ACKR2: variants seen among roughly 807,000 people sequenced by gnomAD.
ACKR2 encodes the protein C-C chemokine receptor D6.
For synonymous variants in ACKR2, 207 were observed against 192.2 expected (o/e 1.08, Z -0.64); for missense variants, 457 against 477.3 (o/e 0.96, Z 0.40).
intron 2 of ACKR2, among the ~76,000 whole-genome samples, chr3:42,846,810 T>G (rs1701102856): frequency 6.6e-6 from 1 of 152,226 alleles, no homozygotes. Context: ...GTCTACTGTG[T>G]GTCCAGTGCT....
chr3:42,864,560 A>C lies in ACKR2; in HGVS notation c.58A>C (p.Ser20Arg). The C allele has an allele frequency of 5.6e-6, 9 of 1,613,708 alleles. No homozygotes were observed. The highest frequency in any genetic ancestry group is 7.6e-6 in the Non-Finnish European group (9 of 1,179,760). ...CACTGAGGATGCCGATTCTGAGAAT[A>C]GCAGCTTCTATTACTATGACTACCT... ...LATEDADSEN[S>R]SFYYYDYLDE... Residue 20 changes from serine to arginine, a missense_variant, in exon 3 of 3, where the codon AGC (serine) becomes CGC (arginine). Physicochemically the swap from Ser to Arg is moderately radical, Grantham distance 110. Transcript: ENST00000422265.
At chr3:42,855,017 C>T (rs1162146860) in intron 2 of ACKR2, among the ~76,000 whole-genome samples, 6 of 151,934 alleles carry the variant, frequency 3.9e-5, no homozygotes, top group Admixed American at 1.3e-4. Flanking sequence ...CTACCATGCC[C>T]GGCTATTTTT....
intron 2 of ACKR2, among the ~76,000 whole-genome samples, chr3:42,837,922 A>G (rs1701001240): frequency 6.6e-6 from 1 of 152,252 alleles, no homozygotes; most frequent in East Asian, 1.9e-4. Context: ...ATTTGACTTT[A>G]TGTACAGAAA....
Position 42,865,457 on chromosome 3 carries a change from T to G in ACKR2, c.955T>G (p.Phe319Val), listed in dbSNP as rs199831111. ...PILYAFSSHRFRQYLKAFLAA... is the reference protein window; with the variant it reads ...PILYAFSSHRVRQYLKAFLAA... Reference sequence around the variant, plus strand: ...CCTGTATGCCTTCTCCAGTCACCGCTTCCGCCAGTACCTGAAGGCTTTCCT... The same window carrying G: ...CCTGTATGCCTTCTCCAGTCACCGCGTCCGCCAGTACCTGAAGGCTTTCCT... Residue 319 changes from phenylalanine to valine, a missense_variant, in exon 3 of 3, where the codon TTC becomes GTC. Physicochemically the swap from Phe to Val is conservative, Grantham distance 50. Coordinates refer to ENST00000422265, the MANE Select transcript of ACKR2 (RefSeq NM_001296.5). 2.0e-5 allele frequency: 33 copies of G among 1,614,212 alleles called. No individual in the cohort carries two copies. The highest frequency in any genetic ancestry group is 2.7e-5 in the Non-Finnish European group (32 of 1,180,048).
chr3:42,850,063 A>T (rs953540177), intron 2 of ACKR2, among the ~76,000 whole-genome samples: 1 of 152,054 alleles, frequency 6.6e-6, no homozygotes, highest in African/African-American at 2.4e-5. Context: ...GAGGGAGAAT[A>T]AAAAAGGAGC....
chr3:42,851,865 T>C (rs1439886128), intron 2 of ACKR2, among the ~76,000 whole-genome samples: 2 of 152,156 alleles, frequency 1.3e-5, no homozygotes, highest in Non-Finnish European at 2.9e-5. Flanking sequence ...TGGTCTCTTC[T>C]TTTGCACATG....
At chr3:42,863,801 TTG>T in intron 2 of ACKR2, among the ~76,000 whole-genome samples, 1 of 151,870 alleles carries the variant, frequency 6.6e-6, no homozygotes, top group East Asian at 1.9e-4. Context: ...TAAGTGGGAG[TTG>T]AACAATGATA....
At chr3:42,826,991 A>C (rs1163960932) in intron 2 of ACKR2, among the ~76,000 whole-genome samples, 1 of 152,004 alleles carries the variant, frequency 6.6e-6, no homozygotes, top group East Asian at 1.9e-4. Flanking sequence ...GTTATTTAGG[A>C]GTGTGTTGTT....
At chr3:42,840,399 G>A (rs1701025854) in intron 2 of ACKR2, among the ~76,000 whole-genome samples, 1 of 152,100 alleles carries the variant, frequency 6.6e-6, no homozygotes, top group Non-Finnish European at 1.5e-5. Flanking sequence ...GGGAGGGATA[G>A]GAAGCAGAGA....
chr3:42,830,267 A>G (rs2125608271), intron 2 of ACKR2, among the ~76,000 whole-genome samples: 1 of 152,038 alleles, frequency 6.6e-6, no homozygotes, highest in East Asian at 1.9e-4. Flanking sequence ...ATTGATAAGC[A>G]CTTCTTATTT....
chr3:42,809,971 G>C (rs1368739573), intron 1 of ACKR2, among the ~76,000 whole-genome samples: 1 of 152,124 alleles, frequency 6.6e-6, no homozygotes. Flanking sequence ...ATGAGGGTAT[G>C]ACAGATAGAC....
chr3:42,827,837 G>C (rs987853219), intron 2 of ACKR2, among the ~76,000 whole-genome samples: 2 of 152,088 alleles, frequency 1.3e-5, no homozygotes, highest in Non-Finnish European at 2.9e-5. Context: ...CCTGTGCGTG[G>C]ACACTCTCAC....
At position 42,865,164 on chromosome 3, in the gene ACKR2, T is replaced by C; in HGVS notation, c.662T>C (p.Leu221Pro). 1 of 1,614,202 alleles carries C rather than the reference T, an allele frequency of 6.2e-7. No individual in the cohort carries two copies. The highest frequency in any genetic ancestry group is 8.5e-7 in the Non-Finnish European group (1 of 1,180,032). The change falls in exon 3 of 3, where the codon CTT (leucine) becomes CCT (proline). Residue 221 changes from leucine (L) to proline (P), a missense_variant. Coordinates refer to ENST00000422265, the MANE Select transcript of ACKR2 (RefSeq NM_001296.5). ...RFQQNLLGFL[L>P]PLLAMIFFYS... ...CAGCAGAACCTCCTAGGGTTTCTCC[T>C]TCCACTCCTTGCCATGATCTTCTTC...
intron 2 of ACKR2, among the ~76,000 whole-genome samples, chr3:42,831,989 T>C (rs566709082): frequency 6.6e-6 from 1 of 152,372 alleles, no homozygotes; most frequent in African/African-American, 2.4e-5. Context: ...CCAGAAATTA[T>C]GTCTATGAAT....
chr3:42,854,436 C>T (rs1473664690), intron 2 of ACKR2, among the ~76,000 whole-genome samples: 1 of 152,180 alleles, frequency 6.6e-6, no homozygotes, highest in Non-Finnish European at 1.5e-5. Flanking sequence ...AGAAGTCCCA[C>T]TGTCGGAACC....
At chr3:42,843,067 TATTTATTA>T (rs1429082066) in intron 2 of ACKR2, among the ~76,000 whole-genome samples, 5 of 115,856 alleles carry the variant, frequency 4.3e-5, no homozygotes, top group African/African-American at 8.6e-5. Context: ...TTTATTTATT[TATTTATTA>T]TTCATTATTT....
intron 2 of ACKR2, among the ~76,000 whole-genome samples, chr3:42,843,281 A>G (rs1175412932): frequency 1.3e-5 from 2 of 151,544 alleles, no homozygotes; most frequent in African/African-American, 4.9e-5. Flanking sequence ...ATGTTGGCCA[A>G]GCTGGTCTCG....
At chr3:42,836,774 G>A (rs1213536686) in intron 2 of ACKR2, among the ~76,000 whole-genome samples, 1 of 152,182 alleles carries the variant, frequency 6.6e-6, no homozygotes, top group East Asian at 1.9e-4. Context: ...CTACAGATAA[G>A]TTTCCTAGGA....
chr3:42,849,871 G>A (rs930477112), intron 2 of ACKR2, among the ~76,000 whole-genome samples: 3 of 152,104 alleles, frequency 2.0e-5, no homozygotes, highest in African/African-American at 7.2e-5. Flanking sequence ...TATATTAAAT[G>A]TATAAAATAC....
Sources: allele counts gnomAD v4.1 joint callset (sites outside exome capture counted in the v4.1 genomes callset), GRCh38; gene constraint gnomAD v4.1.1; transcripts MANE v1.5; gene names NCBI Gene and HGNC (gene_info 2026-07-23, HGNC 2026-07-21).